Variants in COL8A1 observed in about 807,000 individuals in gnomAD.
COL8A1 encodes collagen type VIII alpha 1 chain, also known as collagen alpha-1(VIII) chain.
COL8A1 carries 21 observed loss-of-function variants against 42.7 expected under a neutral mutation model. The observed-to-expected ratio is 0.49, with a 90% CI of 0.35 to 0.71. The LOEUF is 0.71. COL8A1 is among the 30% of genes least tolerant of loss of function. The pLI, the probability that COL8A1 is intolerant of heterozygous loss-of-function variation, is 0.01. For missense variants in COL8A1, 788 were observed against 962.4 expected (o/e 0.82, Z 2.40); for synonymous variants, 367 against 369.1 (o/e 0.99, Z 0.06).
At chr3:99,776,597 C>A (rs547458128) in intron 2 of COL8A1, among the ~76,000 whole-genome samples, 3 of 152,242 alleles carry the variant, frequency 2.0e-5, no homozygotes, top group Non-Finnish European at 2.9e-5. Context: ...GGAAAGGGGT[C>A]CCAATCCAGA....
rs549350258 is a variant in COL8A1, at chr3:99,738,466, C to T, written c.-128-6431C>T. Among the ~76,000 whole-genome samples the T allele has an allele frequency of 3.9e-5, 6 of 152,282 alleles. No individual in the cohort carries two copies. The South Asian group carries it at 1.2e-3, about 32-fold the overall frequency. On this transcript the variant is annotated intron_variant, in intron 1 of 3. Coordinates refer to ENST00000652472, the MANE Select transcript of COL8A1 (RefSeq NM_020351.4). ...ACAGACAGGACCCTCAGCTGCAGGTCTGTTGGAATACGCTGCCGTGTGAGG... is the reference window on the plus strand; with the variant it reads ...ACAGACAGGACCCTCAGCTGCAGGTTTGTTGGAATACGCTGCCGTGTGAGG...
chr3:99,678,799 C>CA (rs1938778894), intron 1 of COL8A1: 2 of 152,000 alleles, frequency 1.3e-5, no homozygotes. Context: ...AGTAAAATAG[C>CA]AAAAATGTAT....
intron 1 of COL8A1, among the ~76,000 whole-genome samples, chr3:99,656,135 T>C (rs1324140351): frequency 6.6e-6 from 1 of 152,216 alleles, no homozygotes; most frequent in Non-Finnish European, 1.5e-5. Flanking sequence ...AAGAAGTATA[T>C]TTTGATCCTT....
chr3:99,674,673 G>T (rs180850713), intron 1 of COL8A1, among the ~76,000 whole-genome samples: 1 of 152,180 alleles, frequency 6.6e-6, no homozygotes, highest in East Asian at 1.9e-4. Flanking sequence ...ATGTAATTGA[G>T]CTCACAATGG....
chr3:99,669,320 G>A (rs1938472321), intron 1 of COL8A1, among the ~76,000 whole-genome samples: 1 of 151,664 alleles, frequency 6.6e-6, no homozygotes, highest in South Asian at 2.1e-4. Flanking sequence ...AAACTAAGGA[G>A]GTTGTCATTT....
At chr3:99,646,782 AAAT>A (rs1328239731) in intron 1 of COL8A1, among the ~76,000 whole-genome samples, 1 of 152,222 alleles carries the variant, frequency 6.6e-6, no homozygotes, top group African/African-American at 2.4e-5. Context: ...GTAAAAAAAC[AAAT>A]AATAATTAGA....
At chr3:99,723,503 T>C (rs768906363) in intron 1 of COL8A1, among the ~76,000 whole-genome samples, 2 of 152,144 alleles carry the variant, frequency 1.3e-5, no homozygotes, top group Non-Finnish European at 2.9e-5. Flanking sequence ...CTTGGAAAGT[T>C]AATTGGCATA....
intron 2 of COL8A1, among the ~76,000 whole-genome samples, chr3:99,757,930 T>C (rs1941286448): frequency 6.6e-6 from 1 of 152,152 alleles, no homozygotes. Flanking sequence ...TCTAAAACCT[T>C]TTAAAATTTG....
intron 1 of COL8A1, among the ~76,000 whole-genome samples, chr3:99,701,348 C>T (rs1610265): frequency 0.1 from 15,504 of 152,122 alleles, 975 homozygotes; most frequent in African/African-American, 0.17. Context: ...TAGAGCCAAA[C>T]AAAATATGGG....
chr3:99,703,115 G>A (rs920399648), intron 1 of COL8A1, among the ~76,000 whole-genome samples: 4 of 152,184 alleles, frequency 2.6e-5, no homozygotes, highest in Non-Finnish European at 5.9e-5. Context: ...CAAGACCTTG[G>A]TTTTCACACT....
intron 2 of COL8A1, among the ~76,000 whole-genome samples, chr3:99,776,409 C>T (rs947331177): frequency 6.6e-5 from 10 of 152,130 alleles, no homozygotes; most frequent in African/African-American, 2.4e-4. Context: ...TCCTCTACAG[C>T]TCCTAGCATG....
At chr3:99,683,638 G>C (rs1938958729) in intron 1 of COL8A1, among the ~76,000 whole-genome samples, 1 of 151,790 alleles carries the variant, frequency 6.6e-6, no homozygotes, top group Admixed American at 6.6e-5. Flanking sequence ...TGTCCTTCTG[G>C]GAAGCAGGTG....
chr3:99,664,958 A>G (rs1938318886), intron 1 of COL8A1, among the ~76,000 whole-genome samples: 1 of 152,178 alleles, frequency 6.6e-6, no homozygotes, highest in South Asian at 2.1e-4. Flanking sequence ...CGTCCTTCAG[A>G]TGCCAGGTCC....
At position 99,798,799 on chromosome 3, in the gene COL8A1, TA is replaced by T. The variant is rs1189366545; in HGVS notation, c.*2669del. 1 of 152,218 alleles carries T rather than the reference TA, an allele frequency of 6.6e-6. No homozygotes were observed. Among genetic ancestry groups the T allele is most frequent in the African/African-American group, 2.4e-5 (1 of 41,462 alleles). 9.4% of individuals were successfully genotyped at this position (152,218 alleles called of 1,614,324 possible). A position where few individuals can be genotyped will look rare whatever the true frequency, so the allele number is the denominator to read the frequency against. ...GACCTAAATGATACTCCATTTAATT[TA>T]AAAAAGAGTTTTAAATAATTATCTA... On this transcript the variant is annotated 3_prime_UTR_variant, in exon 4 of 4. Transcript: ENST00000652472.
rs76817799 is a variant in COL8A1, at chr3:99,787,857, TACACAC to T, written c.-3-2810_-3-2805del. Among the ~76,000 whole-genome samples the T allele has an allele frequency of 4.7e-5, 7 of 148,902 alleles. No individual in the cohort carries two copies. The South Asian group carries it at 1.5e-3, about 31-fold the overall frequency. On this transcript the variant is annotated intron_variant, in intron 2 of 3. Coordinates refer to ENST00000652472, the MANE Select transcript of COL8A1 (RefSeq NM_020351.4). Reference sequence around the variant, plus strand: ...ATATGCTTATGTTCAAGAACACAAATACACACACACACACACACCCACACCCACACA... The same window carrying T: ...ATATGCTTATGTTCAAGAACACAAATACACACACACACCCACACCCACACA...
intron 1 of COL8A1, among the ~76,000 whole-genome samples, chr3:99,674,998 C>T (rs1482384076): frequency 6.6e-6 from 1 of 152,016 alleles, no homozygotes; most frequent in South Asian, 2.1e-4. Flanking sequence ...GATTCAATGA[C>T]CTCTGCAGTT....
chr3:99,790,547 C>A, intron 2 of COL8A1, 133 bp from the exon 3 acceptor site: 1 of 695,772 alleles, frequency 1.4e-6, no homozygotes. Flanking sequence ...TTTTCCTTTT[C>A]ATTTGACTTC....
At position 99,770,992 on chromosome 3, in the gene COL8A1, C is replaced by T. The variant is rs191490973; in HGVS notation, c.-3-19688C>T. Among the ~76,000 whole-genome samples the T allele has an allele frequency of 3.9e-5, 6 of 152,276 alleles. No homozygotes were observed. The East Asian group carries it at 9.6e-4, about 24-fold the overall frequency. ...CAGCATTTCCCCAAAACCTGCATGA[C>T]ATGAAAAGGGGCCATTCATGTGCAG... On this transcript the variant is annotated intron_variant, in intron 2 of 3. Coordinates refer to ENST00000652472, the MANE Select transcript of COL8A1 (RefSeq NM_020351.4).
intron 1 of COL8A1, among the ~76,000 whole-genome samples, chr3:99,638,993 T>C (rs1192980758): frequency 6.6e-6 from 1 of 152,208 alleles, no homozygotes; most frequent in African/African-American, 2.4e-5. Context: ...ATTTCACACA[T>C]CAGTGGGGGC....
Sources: allele counts gnomAD v4.1 joint callset (sites outside exome capture counted in the v4.1 genomes callset), GRCh38; gene constraint gnomAD v4.1.1; transcripts MANE v1.5; gene names NCBI Gene and HGNC (gene_info 2026-07-23, HGNC 2026-07-21).